The following TBC1D9 variants were observed in gnomAD, a reference collection of about 807,000 sequenced individuals.
TBC1D9 encodes the protein TBC1 domain family member 9A.
In TBC1D9, 63 loss-of-function variants were observed where a neutral mutation model predicts 132.0. The ratio of observed to expected loss-of-function variants is 0.48; its 90% CI spans 0.39 to 0.59. The LOEUF (loss-of-function observed/expected upper bound fraction) is 0.59, where lower values mean the gene tolerates loss of function less well. TBC1D9 is among the 20% of genes least tolerant of loss of function. The pLI, the probability that TBC1D9 is intolerant of heterozygous loss-of-function variation, is 0.00. For synonymous variants in TBC1D9, 610 were observed against 609.9 expected (o/e 1.00, Z 0.00); for missense variants, 1,261 against 1,592.7 (o/e 0.79, Z 3.54).
In TBC1D9 at chr4:140,657,226, C is replaced by T. The variant is rs1737288161; in HGVS notation, c.2208G>A (p.Arg736=). Residue 736 remains arginine (R), a splice_region_variant and synonymous_variant, in exon 13 of 21, where the codon AGG becomes AGA. Transcript: ENST00000442267. The part of the protein sequence containing the change: ...DDGEAMTVLG[R]YLDSVTNKDS... ...CTTTATTGGTCACACTGTCTAAATA[C>T]CTGGAAGAAGAATGCATCAGAAGTC... is the stretch of plus-strand genomic sequence containing the variant. 1.2e-6 allele frequency: 2 copies of T among 1,612,672 alleles called. No homozygotes were observed. The highest frequency in any genetic ancestry group is 1.6e-4 in the Middle Eastern group (1 of 6,072).
At chr4:140,714,479 T>G (rs1208087246) in intron 1 of TBC1D9, among the ~76,000 whole-genome samples, 2 of 152,110 alleles carry the variant, frequency 1.3e-5, no homozygotes, top group African/African-American at 4.8e-5. Flanking sequence ...CTTCTAATCG[T>G]TAGAAAGAAG....
intron 9 of TBC1D9, among the ~76,000 whole-genome samples, chr4:140,662,314 T>C (rs1010145529): frequency 5.3e-5 from 8 of 152,174 alleles, no homozygotes; most frequent in Non-Finnish European, 7.3e-5. Flanking sequence ...AGCTCCATAG[T>C]AGGCTGGCTA....
At chr4:140,721,303 G>T (rs1738420188) in intron 1 of TBC1D9, among the ~76,000 whole-genome samples, 1 of 152,156 alleles carries the variant, frequency 6.6e-6, no homozygotes, top group African/African-American at 2.4e-5. Context: ...GCTAACAGTG[G>T]TGACCTTACG....
At chr4:140,713,390 G>A (rs147835096) in intron 1 of TBC1D9, among the ~76,000 whole-genome samples, 1 of 152,192 alleles carries the variant, frequency 6.6e-6, no homozygotes, top group East Asian at 1.9e-4. Flanking sequence ...CTTAATAATG[G>A]TTACCTCTTG....
At chr4:140,659,513 G>A (rs987854232) in intron 11 of TBC1D9, 75 bp downstream of exon 11, 47 of 1,037,102 alleles carry the variant, frequency 4.5e-5, no homozygotes, top group Non-Finnish European at 6.6e-5. Context: ...CAGAAATAGT[G>A]TTCTGGCTGG....
At chr4:140,709,502 T>TAAA (rs35990752) in intron 1 of TBC1D9, among the ~76,000 whole-genome samples, 4 of 146,758 alleles carry the variant, frequency 2.7e-5, no homozygotes, top group Admixed American at 6.8e-5. Context: ...TATGGAATAC[T>TAAA]AAAAAAAAAA....
chr4:140,705,918 T>C (rs746255543), intron 1 of TBC1D9, among the ~76,000 whole-genome samples: 1 of 152,244 alleles, frequency 6.6e-6, no homozygotes, highest in African/African-American at 2.4e-5. Flanking sequence ...CATCTACCTA[T>C]TACATTAGTA....
At chr4:140,726,660 A>C (rs1009930517) in intron 1 of TBC1D9, among the ~76,000 whole-genome samples, 1 of 152,220 alleles carries the variant, frequency 6.6e-6, no homozygotes, top group African/African-American at 2.4e-5. Flanking sequence ...AAAACCAATG[A>C]AAGTCTGAAA....
At position 140,744,254 on chromosome 4, in the gene TBC1D9, C is replaced by T. The variant is rs11931549; in HGVS notation, c.130+11662G>A. On this transcript the variant is annotated intron_variant, in intron 1 of 20. Coordinates refer to ENST00000442267, the MANE Select transcript of TBC1D9 (RefSeq NM_015130.3). ...ACACACAGCTATAGACTACTGCCCA[C>T]CCCAACACATAGAAGTCACCAATAT... Among the ~76,000 whole-genome samples, 723 of 152,094 alleles carry T rather than the reference C, an allele frequency of 4.8e-3. 7 individuals are homozygous for T. Among genetic ancestry groups the T allele is most frequent in the African/African-American group, 0.017 (696 of 41,492 alleles).
intron 13 of TBC1D9, chr4:140,643,992 TC>T: frequency 1.9e-6 from 1 of 540,212 alleles, no homozygotes. Context: ...CTCCGGGTCC[TC>T]CCGCAGCGGC....
chr4:140,741,858 G>A (rs1578864089), intron 1 of TBC1D9, among the ~76,000 whole-genome samples: 1 of 152,270 alleles, frequency 6.6e-6, no homozygotes, highest in African/African-American at 2.4e-5. Flanking sequence ...TTGATTCCAA[G>A]TCTTTAGACA....
intron 7 of TBC1D9, 197 bp downstream of exon 7, chr4:140,670,523 C>A: frequency 1.8e-6 from 1 of 567,144 alleles, no homozygotes. Flanking sequence ...AGTGTTATTC[C>A]AGGTGATCTA....
At position 140,657,513 on chromosome 4, in the gene TBC1D9, G is replaced by A. The variant is rs2110996816; in HGVS notation, c.2207+14C>T. 1 of 1,605,864 alleles carries A rather than the reference G, an allele frequency of 6.2e-7. No individual in the cohort carries two copies. The highest frequency in any genetic ancestry group is 2.2e-5 in the East Asian group (1 of 44,810). ...AACCGGAGATGGTTTTCAAAGTTAGGCTTAGTACAATACCTTCCCAAAACG... is the reference window on the plus strand; with the variant it reads ...AACCGGAGATGGTTTTCAAAGTTAGACTTAGTACAATACCTTCCCAAAACG... On this transcript the variant is annotated intron_variant, in intron 12 of 20. Coordinates refer to ENST00000442267, the MANE Select transcript of TBC1D9 (RefSeq NM_015130.3).
At chr4:140,723,379 AGGCCAGTACAATGGCGTCATCTG>A (rs745382356) in intron 1 of TBC1D9, among the ~76,000 whole-genome samples, 2 of 152,190 alleles carry the variant, frequency 1.3e-5, no homozygotes, top group African/African-American at 2.4e-5. Context: ...TCTGTCGCCC[AGGCCAGTACAATGGCGTCATCTG>A]GGCTCACTGA....
At position 140,670,705 on chromosome 4, in the gene TBC1D9, G is replaced by A. The variant is rs1737521082; in HGVS notation, c.1266+15C>T. The A allele has an allele frequency of 1.9e-6, 3 of 1,609,844 alleles. No individual in the cohort carries two copies. Among genetic ancestry groups the A allele is most frequent in the African/African-American group, 1.3e-5 (1 of 74,932 alleles). On this transcript the variant is annotated intron_variant, in intron 7 of 20. Coordinates refer to ENST00000442267, the MANE Select transcript of TBC1D9 (RefSeq NM_015130.3). ...CAGGATAAACCAAAAATACTTTCAG[G>A]TGTCTCCCACAGACCTCATCATCTG...
rs764511217 is a variant in TBC1D9 at position 140,622,376 on chromosome 4, C to T, written c.3620G>A (p.Arg1207Gln). The T allele has an allele frequency of 1.1e-5, 18 of 1,613,064 alleles. No individual in the cohort carries two copies. The highest frequency in any genetic ancestry group is 8.9e-5 in the East Asian group (4 of 44,852). Residue 1207 changes from arginine (R) to glutamine (Q), a missense_variant, in exon 21 of 21, where the codon CGG (arginine) becomes CAG (glutamine). Physicochemically the swap from Arg to Gln is conservative, Grantham distance 43. This residue lies in a region of TBC1D9 where 618 missense variants were observed against 724.4 expected (regional missense o/e 0.85). Coordinates refer to ENST00000442267, the MANE Select transcript of TBC1D9 (RefSeq NM_015130.3). ...AALPRSTSLD[R>Q]DWAITFEQFL... ...CTGCTCGAAGGTGATGGCCCAGTCC[C>T]GGTCCAGGCTGGTGCTCCGGGGCAG...
chr4:140,636,618 C>T (rs1403182065), intron 15 of TBC1D9, among the ~76,000 whole-genome samples: 1 of 152,144 alleles, frequency 6.6e-6, no homozygotes, highest in Admixed American at 6.5e-5. Flanking sequence ...AACTCCTGGG[C>T]TCCAGCACTC....
intron 10 of TBC1D9, 141 bp from the exon 11 acceptor site, chr4:140,659,846 G>A (rs1737329640): frequency 1.5e-5 from 9 of 612,948 alleles, no homozygotes; most frequent in Non-Finnish European, 5.7e-6. Context: ...TTAGGCTTTG[G>A]AGGCTTTACA....
chr4:140,685,380 T>A (rs1318554659), intron 3 of TBC1D9, among the ~76,000 whole-genome samples: 1 of 152,210 alleles, frequency 6.6e-6, no homozygotes, highest in African/African-American at 2.4e-5. Flanking sequence ...GGATCACCTA[T>A]GCAGTATTCC....
Sources: gnomAD v4.1 joint callset for allele counts (sites outside exome capture counted in the v4.1 genomes callset) on GRCh38, gnomAD v4.1.1 for gene constraint, gnomAD v4.1.1 regional missense constraint, MANE v1.5 for transcripts, NCBI Gene and HGNC (gene_info 2026-07-23, HGNC 2026-07-21) for gene names.